SYNPO2: variants seen among roughly 807,000 people sequenced by gnomAD.
SYNPO2 encodes synaptopodin-2.
Under a neutral mutation model 85.0 loss-of-function variants are expected in SYNPO2, and 56 were observed. That is an observed-to-expected ratio of 0.66 (90% CI 0.53 to 0.82). The LOEUF is 0.82. Ranked by LOEUF, SYNPO2 falls within the 40% of genes least tolerant of loss-of-function variation. The pLI is 0.00. For missense variants in SYNPO2, 1,575 were observed against 1,534.2 expected, an observed-to-expected ratio of 1.03 and a Z score of -0.44; for synonymous variants, 602 against 591.1, an observed-to-expected ratio of 1.02 and a Z score of -0.27.
rs866313282 is a variant in SYNPO2 at position 118,950,065 on chromosome 4, T to G, written c.105+60924T>G. Among the ~76,000 whole-genome samples, 1,088 of 150,922 alleles carry G rather than the reference T, an allele frequency of 7.2e-3. 15 individuals are homozygous for G. Among genetic ancestry groups the G allele is most frequent in the African/African-American group, 0.024 (973 of 41,150 alleles). On this transcript the variant is annotated intron_variant, in intron 1 of 4. Coordinates refer to ENST00000307142, the MANE Select transcript of SYNPO2 (RefSeq NM_133477.3). ...TGCATTTAACCAAGTTTGAAAAAGA[T>G]GACATTCTGTTAAAAGAAATCACAA...
chr4:118,852,508 G>A (rs1731437814), intron 1 of SYNPO2, among the ~76,000 whole-genome samples: 1 of 152,102 alleles, frequency 6.6e-6, no homozygotes, highest in Non-Finnish European at 1.5e-5. Context: ...AGAAAATGTG[G>A]TACATATACA....
rs748163339 is a variant in SYNPO2, at chr4:119,057,905, C to T, written c.3757C>T (p.His1253Tyr). The T allele has an allele frequency of 1.2e-6, 2 of 1,613,826 alleles. No individual in the cohort carries two copies. Among genetic ancestry groups the T allele is most frequent in the East Asian group, 4.5e-5 (2 of 44,856 alleles). Residue 1253 changes from histidine (H) to tyrosine (Y), a missense_variant, in exon 5 of 5, where the codon CAC (histidine) becomes TAC (tyrosine). By Grantham distance (83) the His-to-Tyr change is moderately conservative. This residue lies in a region of SYNPO2 where 1,508 missense variants were observed against 1,446.8 expected (regional missense o/e 1.04). Coordinates refer to ENST00000307142, the MANE Select transcript of SYNPO2 (RefSeq NM_133477.3). ...LPVADYNYNP[H>Y]PRGWRRQT Reference sequence around the variant, plus strand: ...AGTAGCTGATTACAACTACAACCCACACCCAAGGGGATGGAGACGCCAAAC... The same window carrying T: ...AGTAGCTGATTACAACTACAACCCATACCCAAGGGGATGGAGACGCCAAAC...
chr4:119,007,241 T>TAC (rs1181681545), intron 1 of SYNPO2, among the ~76,000 whole-genome samples: 37 of 39,822 alleles, frequency 9.3e-4, no homozygotes, highest in African/African-American at 3.5e-3. Flanking sequence ...TATATATATA[T>TAC]ATATGTATAT....
At chr4:119,015,059 C>T (rs890530116) in intron 1 of SYNPO2, among the ~76,000 whole-genome samples, 2 of 152,126 alleles carry the variant, frequency 1.3e-5, no homozygotes, top group African/African-American at 4.8e-5. Context: ...ACTTCAATGA[C>T]AATTTGATGT....
chr4:118,942,939 T>C (rs367789893), intron 1 of SYNPO2, among the ~76,000 whole-genome samples: 27,471 of 151,876 alleles, frequency 0.18, 2,889 homozygotes, highest in Non-Finnish European at 0.25. Context: ...AAACTCCATC[T>C]CTACTAAAGA....
intron 1 of SYNPO2, among the ~76,000 whole-genome samples, chr4:118,968,192 G>A (rs910563868): frequency 6.6e-6 from 1 of 152,188 alleles, no homozygotes; most frequent in African/African-American, 2.4e-5. Context: ...GAAAGCAAGA[G>A]GTCCTGGCCT....
chr4:119,017,348 C>T (rs556130280), intron 1 of SYNPO2, among the ~76,000 whole-genome samples: 5 of 152,250 alleles, frequency 3.3e-5, no homozygotes, highest in Non-Finnish European at 5.9e-5. Context: ...CCTCCTCTGA[C>T]CATTCCTCTG....
At chr4:119,007,231 T>TGTATATAC (rs1221118960) in intron 1 of SYNPO2, among the ~76,000 whole-genome samples, 2 of 49,282 alleles carry the variant, frequency 4.1e-5, no homozygotes, top group African/African-American at 1.9e-4. Flanking sequence ...TATATATATA[T>TGTATATAC]ATATATATAT....
At chr4:119,022,713 TATTTTATTTTA>T (rs1366294526) in intron 1 of SYNPO2, among the ~76,000 whole-genome samples, 9 of 99,848 alleles carry the variant, frequency 9.0e-5, no homozygotes, top group South Asian at 3.2e-4. Context: ...TTTTATATTT[TATTTTATTTTA>T]ATTTTATTTT....
At position 119,026,992 on chromosome 4, in the gene SYNPO2, A is replaced by G. The variant is rs1489238405; in HGVS notation, c.623A>G (p.His208Arg). The G allele has an allele frequency of 2.3e-5, 37 of 1,614,092 alleles. No homozygotes were observed. The highest frequency in any genetic ancestry group is 3.1e-5 in the Non-Finnish European group (37 of 1,180,046). Reference protein sequence around the residue: ...ELQLSLSQERHKGASGPLVAL... With the variant: ...ELQLSLSQERRKGASGPLVAL... ...CAACTGTCCCTTTCACAGGAGAGAC[A>G]TAAGGGCGCTAGTGGCCCTTTAGTG... Residue 208 changes from histidine (H) to arginine (R), a missense_variant, in exon 3 of 5, where the codon CAT becomes CGT. Around this residue, in one of 3 missense-constraint regions of SYNPO2, gnomAD observed 1,508 missense variants for 1,446.8 expected, o/e 1.04. Transcript: ENST00000307142.
At chr4:118,930,946 A>G (rs1733913334) in intron 1 of SYNPO2, among the ~76,000 whole-genome samples, 1 of 150,942 alleles carries the variant, frequency 6.6e-6, no homozygotes, top group Admixed American at 6.6e-5. Flanking sequence ...AATGGTAAGT[A>G]TCTTGAGGAG....
At chr4:119,014,798 G>C (rs531995385) in intron 1 of SYNPO2, among the ~76,000 whole-genome samples, 1 of 152,274 alleles carries the variant, frequency 6.6e-6, no homozygotes, top group Non-Finnish European at 1.5e-5. Context: ...TCCCCGAAAG[G>C]CTGTCTTTCT....
At chr4:119,048,662 G>A (rs769293105) in intron 4 of SYNPO2, among the ~76,000 whole-genome samples, 5 of 152,156 alleles carry the variant, frequency 3.3e-5, no homozygotes, top group Non-Finnish European at 5.9e-5. Context: ...GCTGGTACCT[G>A]GGGTGAGCAA....
upstream of SYNPO2, among the ~76,000 whole-genome samples, chr4:118,887,973 CA>C (rs1490928067): frequency 6.6e-6 from 1 of 152,076 alleles, no homozygotes; most frequent in Non-Finnish European, 1.5e-5. Context: ...CCTTTTTGTA[CA>C]TTTTTGGCAG....
intron 1 of SYNPO2, among the ~76,000 whole-genome samples, chr4:118,990,030 A>C (rs1163244046): frequency 2.0e-5 from 3 of 152,250 alleles, no homozygotes. Context: ...ACATTAAAAC[A>C]TCAAGCATAA....
intron 4 of SYNPO2, chr4:119,043,237 G>T (rs955807938): frequency 2.0e-5 from 3 of 151,972 alleles, no homozygotes; most frequent in Admixed American, 2.0e-4. Flanking sequence ...TACTACTAAA[G>T]GATCTCTCTT....
intron 1 of SYNPO2, among the ~76,000 whole-genome samples, chr4:118,997,506 T>A (rs982164787): frequency 7.9e-5 from 12 of 152,186 alleles, no homozygotes; most frequent in Non-Finnish European, 1.3e-4. Flanking sequence ...AAAAACATAT[T>A]GATAAGACTG....
chr4:118,911,996 A>G (rs1430384685), intron 1 of SYNPO2, among the ~76,000 whole-genome samples: 1 of 152,238 alleles, frequency 6.6e-6, no homozygotes, highest in Non-Finnish European at 1.5e-5. Context: ...TATGGAAAGC[A>G]TTAATGGGCT....
At chr4:118,878,618 G>A (rs920536587) in intron 1 of SYNPO2, among the ~76,000 whole-genome samples, 8 of 151,870 alleles carry the variant, frequency 5.3e-5, no homozygotes, top group Non-Finnish European at 1.2e-4. Context: ...ACCAATCAGC[G>A]CTCTGTGTCT....
Sources: allele counts gnomAD v4.1 joint callset (sites outside exome capture counted in the v4.1 genomes callset), GRCh38; gene constraint gnomAD v4.1.1; regional missense constraint gnomAD v4.1.1; transcripts MANE v1.5; gene names NCBI Gene and HGNC (gene_info 2026-07-23, HGNC 2026-07-21).